HELZ: variants seen among roughly 807,000 people sequenced by gnomAD.
HELZ encodes the protein helicase with zinc finger.
A neutral mutation model predicts 218.2 loss-of-function variants in HELZ; 23 were observed. The ratio of observed to expected loss-of-function variants is 0.11; its 90% CI spans 0.08 to 0.15. The LOEUF (loss-of-function observed/expected upper bound fraction) is 0.15, where lower values mean the gene tolerates loss of function less well. HELZ is among the 10% of genes least tolerant of loss of function. The probability of loss-of-function intolerance (pLI) is 1.00; values close to 1 mark genes in which losing one functional copy is unlikely to be tolerated. For missense variants in HELZ, 1,813 were observed against 2,353.7 expected, an observed-to-expected ratio of 0.77 and a Z score of 4.75; for synonymous variants, 814 against 829.4, an observed-to-expected ratio of 0.98 and a Z score of 0.32.
At chr17:67,089,146 TG>T (rs1348301439) in intron 31 of HELZ, among the ~76,000 whole-genome samples, 2 of 152,214 alleles carry the variant, frequency 1.3e-5, no homozygotes, top group African/African-American at 4.8e-5. Flanking sequence ...ACGTTGGGTA[TG>T]GGCTCAGAAA....
intron 3 of HELZ, among the ~76,000 whole-genome samples, chr17:67,226,054 G>C (rs1425700388): frequency 6.6e-6 from 1 of 151,850 alleles, no homozygotes; most frequent in Admixed American, 6.6e-5. Flanking sequence ...AAGGTCAAGC[G>C]ATCAAGACCA....
chr17:67,244,767 C>T, intron 1 of HELZ: 1 of 985,042 alleles, frequency 1.0e-6, no homozygotes, highest in South Asian at 4.7e-5. Context: ...CCACCCCCAG[C>T]CGCGACCCGG....
intron 9 of HELZ, among the ~76,000 whole-genome samples, chr17:67,193,288 T>C (rs998884889): frequency 7.1e-5 from 10 of 141,214 alleles, no homozygotes; most frequent in Admixed American, 1.5e-4. Flanking sequence ...GAGATTGCGG[T>C]GAGCTGTGAT....
At chr17:67,201,299 C>T in intron 6 of HELZ, 114 bp from the exon 7 acceptor site, 1 of 652,684 alleles carries the variant, frequency 1.5e-6, no homozygotes, top group South Asian at 1.9e-5. Flanking sequence ...ACAATGTTAT[C>T]CTCATCCCTC....
At chr17:67,186,225 C>G (rs2039751211) in intron 12 of HELZ, among the ~76,000 whole-genome samples, 2 of 152,018 alleles carry the variant, frequency 1.3e-5, no homozygotes, top group African/African-American at 2.4e-5. Context: ...CAGAAATTAT[C>G]CTAATCAAGG....
In HELZ at chr17:67,149,989, G is replaced by T; in HGVS notation, c.2357-4C>A. 1 of 1,585,578 alleles carries T rather than the reference G, an allele frequency of 6.3e-7. No homozygotes were observed. Among genetic ancestry groups the T allele is most frequent in the Non-Finnish European group, 8.6e-7 (1 of 1,156,676 alleles). On this transcript the variant is annotated splice_polypyrimidine_tract_variant and splice_region_variant and intron_variant, in intron 18 of 32. Coordinates refer to ENST00000358691, the MANE Select transcript of HELZ (RefSeq NM_014877.4). ...AATAGAATGTGTGTAAAAAACCCTA[G>T]AAAATGCAGCATAAACACAGGATAG...
chr17:67,153,577 T>C (rs991649838), intron 17 of HELZ, among the ~76,000 whole-genome samples: 1 of 152,214 alleles, frequency 6.6e-6, no homozygotes. Context: ...CCAAAATGAG[T>C]ATAATAATTC....
chr17:67,159,506 A>G (rs2038937144), intron 17 of HELZ, among the ~76,000 whole-genome samples: 1 of 152,198 alleles, frequency 6.6e-6, no homozygotes, highest in African/African-American at 2.4e-5. Flanking sequence ...TTTATAAACA[A>G]TTGTATTCAA....
chr17:67,204,737 T>C (rs567969207), intron 5 of HELZ, among the ~76,000 whole-genome samples: 1 of 152,266 alleles, frequency 6.6e-6, no homozygotes, highest in African/African-American at 2.4e-5. Context: ...ATTGTTTCAA[T>C]CCATCCATAT....
At chr17:67,153,205 A>G (rs1229405865) in intron 17 of HELZ, among the ~76,000 whole-genome samples, 1 of 152,158 alleles carries the variant, frequency 6.6e-6, no homozygotes, top group African/African-American at 2.4e-5. Flanking sequence ...TTTAAACAAG[A>G]CACAATAGTA....
At chr17:67,157,554 T>TG (rs1199410851) in intron 17 of HELZ, among the ~76,000 whole-genome samples, 2 of 152,200 alleles carry the variant, frequency 1.3e-5, no homozygotes, top group Non-Finnish European at 2.9e-5. Flanking sequence ...TTTTTAAAAT[T>TG]GGAGAATTGA....
rs2035934290 is a variant in HELZ, at chr17:67,073,078, G to T, written c.*5174C>A. The T allele has an allele frequency of 6.6e-6, 1 of 152,160 alleles. No homozygotes were observed. Among genetic ancestry groups the T allele is most frequent in the Non-Finnish European group, 1.5e-5 (1 of 68,022 alleles). 9.4% of individuals were successfully genotyped at this position (152,160 alleles called of 1,614,324 possible). A position where few individuals can be genotyped will look rare whatever the true frequency, so the allele number is the denominator to read the frequency against. On this transcript the variant is annotated 3_prime_UTR_variant, in exon 33 of 33. Coordinates refer to ENST00000358691, the MANE Select transcript of HELZ (RefSeq NM_014877.4). The stretch of plus-strand genomic sequence containing the variant: ...TCACAATTCTCAAATCTTAAAACAG[G>T]ACAGATCTGTAAATAGTACTATGTG...
At chr17:67,122,537 C>T (rs1412317994) in intron 26 of HELZ, among the ~76,000 whole-genome samples, 2 of 151,306 alleles carry the variant, frequency 1.3e-5, no homozygotes, top group African/African-American at 2.4e-5. Flanking sequence ...CAGAGTGAGA[C>T]CCCGTCTCAA....
chr17:67,083,437 C>A (rs1035112835), intron 32 of HELZ, among the ~76,000 whole-genome samples: 1 of 152,012 alleles, frequency 6.6e-6, no homozygotes, highest in African/African-American at 2.4e-5. Context: ...GTCAGGAGTT[C>A]TAGACCAGCC....
chr17:67,098,786 T>G (rs2036831405), intron 31 of HELZ, among the ~76,000 whole-genome samples: 1 of 152,120 alleles, frequency 6.6e-6, no homozygotes. Flanking sequence ...CTATCATCTT[T>G]AACAACCATC....
intron 3 of HELZ, among the ~76,000 whole-genome samples, chr17:67,221,040 T>C (rs2040732019): frequency 6.6e-6 from 1 of 152,164 alleles, no homozygotes; most frequent in Admixed American, 6.5e-5. Flanking sequence ...AATCAATTGT[T>C]CAATAAAAGT....
chr17:67,094,592 ATCT>A (rs2036684895), intron 31 of HELZ, among the ~76,000 whole-genome samples: 1 of 152,152 alleles, frequency 6.6e-6, no homozygotes, highest in Non-Finnish European at 1.5e-5. Flanking sequence ...CTATACTATA[ATCT>A]ATTAAGTGTG....
In HELZ at chr17:67,231,995, G is replaced by C. The variant is rs538645408; in HGVS notation, c.-19+7438C>G. Among the ~76,000 whole-genome samples, 13 of 141,918 alleles carry C rather than the reference G, an allele frequency of 9.2e-5. No homozygotes were observed. In the Middle Eastern group the frequency reaches 0.016, roughly 175 times the overall value. 93.1% of individuals were successfully genotyped at this position (141,918 alleles called of 152,430 possible). A position where few individuals can be genotyped will look rare whatever the true frequency, so the allele number is the denominator to read the frequency against. Reference sequence around the variant, plus strand: ...TTGAACTCGGGAGGGGGAAGTTGCAGTGAGCCAAGATCACACCATTGTACT... The same window carrying C: ...TTGAACTCGGGAGGGGGAAGTTGCACTGAGCCAAGATCACACCATTGTACT... On this transcript the variant is annotated intron_variant, in intron 3 of 32. Coordinates refer to ENST00000358691, the MANE Select transcript of HELZ (RefSeq NM_014877.4).
chr17:67,085,927 CCTTT>C (rs1377589642), intron 32 of HELZ, among the ~76,000 whole-genome samples: 2 of 152,154 alleles, frequency 1.3e-5, no homozygotes, highest in African/African-American at 4.8e-5. Context: ...CATTCCGATC[CCTTT>C]CTATGCCTTT....
Sources: allele counts gnomAD v4.1 joint callset (sites outside exome capture counted in the v4.1 genomes callset), GRCh38; gene constraint gnomAD v4.1.1; transcripts MANE v1.5; gene names NCBI Gene and HGNC (gene_info 2026-07-23, HGNC 2026-07-21).